Variants in PATZ1 observed in about 807,000 individuals in gnomAD.
The protein encoded by PATZ1 is POZ/BTB and AT hook containing zinc finger 1.
Under a neutral mutation model 46.2 loss-of-function variants are expected in PATZ1, and 9 were observed. That is an observed-to-expected ratio of 0.19 (90% confidence interval 0.12 to 0.34). The LOEUF is 0.34. Among genes scored for constraint, PATZ1 ranks in the 10% least tolerant of loss-of-function variants. The pLI is 1.00. For synonymous variants in PATZ1, 426 were observed against 378.6 expected (o/e 1.13, Z -1.45); for missense variants, 632 against 923.0 (o/e 0.68, Z 4.08).
rs71319182 is a variant in PATZ1, at chr22:31,333,476, CTTTT to C, written c.1507+2212_1507+2215del. The stretch of plus-strand genomic sequence containing the variant: ...GCTCAGAAAGAACTTTATCCTCTTC[CTTTT>C]TTTTTTTTTTTTTTTTTGTCTCTTC... On this transcript the variant is annotated intron_variant, in intron 3 of 4. Coordinates refer to ENST00000266269, the MANE Select transcript of PATZ1 (RefSeq NM_014323.3). Among the ~76,000 whole-genome samples the C allele has an allele frequency of 3.1e-3, 396 of 128,736 alleles. 1 individual carries two copies. The highest frequency in any genetic ancestry group is 4.0e-3 in the Non-Finnish European group (248 of 61,850). 84.5% of individuals were successfully genotyped at this position (128,736 alleles called of 152,430 possible). A position where few individuals can be genotyped will look rare whatever the true frequency, so the allele number is the denominator to read the frequency against.
intron 3 of PATZ1, among the ~76,000 whole-genome samples, chr22:31,335,145 A>G (rs1466109063): frequency 6.6e-6 from 1 of 152,162 alleles, no homozygotes; most frequent in Non-Finnish European, 1.5e-5. Flanking sequence ...TGCTCAGAGC[A>G]CCTTCCACTT....
rs777823033 is a variant in PATZ1 at position 31,327,161 on chromosome 22, C to T, written c.1794G>A (p.Glu598=). The T allele has an allele frequency of 1.9e-6, 3 of 1,614,220 alleles. No individual in the cohort carries two copies. The highest frequency in any genetic ancestry group is 1.1e-5 in the South Asian group (1 of 91,084). The change falls in exon 5 of 5, where the codon GAG becomes GAA. Residue 598 remains glutamate (E), a synonymous_variant. Coordinates refer to ENST00000266269, the MANE Select transcript of PATZ1 (RefSeq NM_014323.3). The surrounding 1 kb of genome is among the most constrained non-coding windows in gnomAD (Gnocchi z 4.2). ...CDMAVPKNKM[E]SDGEKKYPCP... ...ATGGGTACTTCTTCTCCCCATCAGA[C>T]TCCATTTTGTTTTTGGGGACTGCCA... is the stretch of plus-strand genomic sequence containing the variant.
At chr22:31,340,890 C>T in intron 2 of PATZ1, 1 of 1,064,948 alleles carries the variant, frequency 9.4e-7, no homozygotes, top group Non-Finnish European at 1.1e-6. Flanking sequence ...AAGTCTACTT[C>T]ACTAGCCAGA....
chr22:31,334,659 C>T (rs2145817921), intron 3 of PATZ1, among the ~76,000 whole-genome samples: 1 of 152,260 alleles, frequency 6.6e-6, no homozygotes, highest in Middle Eastern at 3.4e-3. Context: ...ATCCTCATAA[C>T]AGCCCTGTGA....
intron 1 of PATZ1, chr22:31,343,421 A>G: frequency 1.0e-6 from 1 of 987,722 alleles, no homozygotes; most frequent in South Asian, 4.6e-5. Flanking sequence ...TTCAGTCCCC[A>G]GAGGCCAGCA....
intron 1 of PATZ1, 77 bp downstream of exon 1, chr22:31,344,255 A>AC (rs1162326920): frequency 2.2e-6 from 3 of 1,337,464 alleles, no homozygotes; most frequent in African/African-American, 1.5e-5. Context: ...CAAATCCCAC[A>AC]CCCCCAGATC....
intron 2 of PATZ1, among the ~76,000 whole-genome samples, chr22:31,342,391 T>C (rs1169368352): frequency 6.6e-6 from 1 of 152,064 alleles, no homozygotes; most frequent in Non-Finnish European, 1.5e-5. Flanking sequence ...ACCCACTCCC[T>C]ACCTCCTACC....
Position 31,328,955 on chromosome 22 carries a change from C to A in PATZ1, c.1508-31G>T, listed in dbSNP as rs200869579. ...CAAGACAAAAGGAGATGAGATCCCGCGGCCAGCAAGAGATACCTCTCTCCT... is the reference window on the plus strand; with the variant it reads ...CAAGACAAAAGGAGATGAGATCCCGAGGCCAGCAAGAGATACCTCTCTCCT... On this transcript the variant is annotated intron_variant, in intron 3 of 4. Coordinates refer to ENST00000266269, the MANE Select transcript of PATZ1 (RefSeq NM_014323.3). This position sits in a 1 kb window ranked among gnomAD's most constrained non-coding sequence, Gnocchi z 4.8. 1.3e-6 allele frequency: 2 copies of A among 1,581,986 alleles called. No homozygotes were observed. The highest frequency in any genetic ancestry group is 1.1e-5 in the South Asian group (1 of 88,194).
rs1283409195 is a variant in PATZ1, at chr22:31,341,288, A to T, written c.1335+1609T>A. 1.2e-5 allele frequency: 18 copies of T among 1,444,864 alleles called. No homozygotes were observed. The South Asian group carries it at 2.2e-4, about 17-fold the overall frequency. The allele number at this position is 1,444,864 out of a possible 1,614,324, so 89.5% of individuals were successfully genotyped here. A position where few individuals can be genotyped will look rare whatever the true frequency, so the allele number is the denominator to read the frequency against. On this transcript the variant is annotated intron_variant, in intron 2 of 4. Transcript: ENST00000266269. ...GGGAAAGACTCCGAGTCACCCAGGG[A>T]GGAGCTGGGCATGCTGGGCAGGAAC...
Position 31,345,468 on chromosome 22 carries a change from C to G in PATZ1, c.135G>C (p.Leu45Phe). The G allele has an allele frequency of 6.2e-7, 1 of 1,612,000 alleles. No individual in the cohort carries two copies. Among genetic ancestry groups the G allele is most frequent in the Non-Finnish European group, 8.5e-7 (1 of 1,179,702 alleles). Residue 45 changes from leucine to phenylalanine, a missense_variant, in exon 1 of 5, where the codon TTG becomes TTC. Physicochemically the swap from Leu to Phe is conservative, Grantham distance 22 (BLOSUM62 0). Around this residue, in one of 7 missense-constraint regions of PATZ1, gnomAD observed 19 missense variants for 71.4 expected, o/e 0.27. Coordinates refer to ENST00000266269, the MANE Select transcript of PATZ1 (RefSeq NM_014323.3). The surrounding 1 kb of genome is among the most constrained non-coding windows in gnomAD (Gnocchi z 7.4). ...CTGGGAAGCTCTCGTCGCCTACCCG[C>G]AAGAGCACGTCGCAGAAGCGCCCGC... ...KNGGRFCDVL[L>F]RVGDESFPAH...
In PATZ1 at chr22:31,335,715, T is replaced by C; in HGVS notation, c.1484A>G (p.Asn495Ser). Residue 495 changes from asparagine to serine, a missense_variant, in exon 3 of 5, where the codon AAC becomes AGC. Asn to Ser is a conservative substitution (Grantham distance 46). Around this residue, in one of 7 missense-constraint regions of PATZ1, gnomAD observed 176 missense variants for 249.4 expected, o/e 0.71. Coordinates refer to ENST00000266269, the MANE Select transcript of PATZ1 (RefSeq NM_014323.3). ...HLKKHSEGPSNFCSICNRGFS... is the reference protein window; with the variant it reads ...HLKKHSEGPSSFCSICNRGFS... ...ACCTCGGTTACAGATACTGCAGAAG[T>C]TGCTGGGCCCCTCGCTGTGCTTCTT... 3 of 1,614,056 alleles carry C rather than the reference T, an allele frequency of 1.9e-6. No homozygotes were observed. The highest frequency in any genetic ancestry group is 2.5e-6 in the Non-Finnish European group (3 of 1,179,982).
chr22:31,326,584 C>T lies in PATZ1; in HGVS notation c.*307G>A. 3.0e-6 allele frequency: 1 copy of T among 334,988 alleles called. No individual in the cohort carries two copies. The highest frequency in any genetic ancestry group is 2.1e-5 in the African/African-American group (1 of 47,898). 20.8% of individuals were successfully genotyped at this position (334,988 alleles called of 1,614,324 possible). On this transcript the variant is annotated 3_prime_UTR_variant, in exon 5 of 5. Coordinates refer to ENST00000266269, the MANE Select transcript of PATZ1 (RefSeq NM_014323.3). ...ATTGGGGTCACTAAGAATTGAGCACCAGGAATTCCAGCTTCTTCCCATTAA... is the reference window on the plus strand; with the variant it reads ...ATTGGGGTCACTAAGAATTGAGCACTAGGAATTCCAGCTTCTTCCCATTAA...
rs1183718273 is a variant in PATZ1 at position 31,327,430 on chromosome 22, C to A, written c.1646-121G>T. 1.9e-5 allele frequency: 15 copies of A among 795,638 alleles called. No individual in the cohort carries two copies. The highest frequency in any genetic ancestry group is 2.2e-5 in the Non-Finnish European group (11 of 504,514). 49.3% of individuals were successfully genotyped at this position (795,638 alleles called of 1,614,324 possible). ...AGGGCAGCCATTGGCCAGCCACTGC[C>A]CTGGCAGAACCCACGGAGGGTCAGC... On this transcript the variant is annotated intron_variant, in intron 4 of 4. Coordinates refer to ENST00000266269, the MANE Select transcript of PATZ1 (RefSeq NM_014323.3). The surrounding 1 kb of genome is among the most constrained non-coding windows in gnomAD (Gnocchi z 4.2).
In PATZ1 at chr22:31,344,457, G is replaced by A. The variant is rs2049622501; in HGVS notation, c.1146C>T (p.Pro382=). The change falls in exon 1 of 5, where the codon CCC becomes CCT. Residue 382 remains proline, a synonymous_variant. Coordinates refer to ENST00000266269, the MANE Select transcript of PATZ1 (RefSeq NM_014323.3). ...RHKLSHSGEK[P]YSCPVCGLRF... Reference sequence around the variant, plus strand: ...GCAACCCACACACAGGGCAGGAGTAGGGCTTCTCCCCAGAGTGGGACAGCT... The same window carrying A: ...GCAACCCACACACAGGGCAGGAGTAAGGCTTCTCCCCAGAGTGGGACAGCT... The A allele has an allele frequency of 2.5e-6, 4 of 1,614,232 alleles. No individual in the cohort carries two copies. The highest frequency in any genetic ancestry group is 2.5e-6 in the Non-Finnish European group (3 of 1,180,038).
At chr22:31,329,653 G>A (rs1361891201) in intron 3 of PATZ1, among the ~76,000 whole-genome samples, 1 of 152,212 alleles carries the variant, frequency 6.6e-6, no homozygotes, top group East Asian at 1.9e-4. Context: ...AAACACGGAT[G>A]ATCTCTGTCT....
intron 2 of PATZ1, chr22:31,340,998 T>C (rs2049573169): frequency 3.7e-6 from 4 of 1,075,120 alleles, no homozygotes; most frequent in Non-Finnish European, 4.5e-6. Flanking sequence ...GCCGACTCAC[T>C]CGTGGAGTGG....
chr22:31,341,682 ACCTGG>A, intron 2 of PATZ1: 1 of 1,605,868 alleles, frequency 6.2e-7, no homozygotes, highest in Non-Finnish European at 8.5e-7. Context: ...CCCAACCCAC[ACCTGG>A]AAAAAGGGCA....
chr22:31,343,062 G>A (rs1021661598), intron 1 of PATZ1, 102 bp from the exon 2 acceptor site: 2 of 1,546,042 alleles, frequency 1.3e-6, no homozygotes, highest in Non-Finnish European at 8.8e-7. Context: ...ACTCACTGCT[G>A]GAAAGGACTC....
At chr22:31,335,665 G>C in intron 3 of PATZ1, 27 bp downstream of exon 3, 3 of 1,606,872 alleles carry the variant, frequency 1.9e-6, no homozygotes, top group Non-Finnish European at 2.6e-6. Flanking sequence ...CCATCCTCTG[G>C]AAGTGAGGAA....
Sources: allele counts gnomAD v4.1 joint callset (sites outside exome capture counted in the v4.1 genomes callset), GRCh38; gene constraint gnomAD v4.1.1; regional missense constraint gnomAD v4.1.1; non-coding constraint Gnocchi (gnomAD v3.1); transcripts MANE v1.5; gene names NCBI Gene and HGNC (gene_info 2026-07-23, HGNC 2026-07-21).